The following CNTN6 variants were observed in gnomAD, a reference collection of about 807,000 sequenced individuals.
The protein encoded by CNTN6 is contactin-6.
A neutral mutation model predicts 122.8 loss-of-function variants in CNTN6; 137 were observed. That is an observed-to-expected ratio of 1.12 (90% CI 0.97 to 1.29). The LOEUF is 1.29. CNTN6 is among the 50% of genes most tolerant of loss of function. The probability of loss-of-function intolerance (pLI) is 0.00; values close to 1 mark genes in which losing one functional copy is unlikely to be tolerated. For synonymous variants in CNTN6, 570 were observed against 426.0 expected (o/e 1.34, Z -4.16); for missense variants, 1,634 against 1,223.4 (o/e 1.34, Z -5.01).
chr3:1,369,059 G>A (rs750140560), intron 12 of CNTN6, among the ~76,000 whole-genome samples: 19 of 152,046 alleles, frequency 1.2e-4, no homozygotes, highest in Non-Finnish European at 2.1e-4. Flanking sequence ...ATGGTTGCAC[G>A]GAGTCTGCCG....
At chr3:1,269,048 G>T (rs148784348) in intron 4 of CNTN6, among the ~76,000 whole-genome samples, 2 of 152,006 alleles carry the variant, frequency 1.3e-5, no homozygotes, top group Non-Finnish European at 2.9e-5. Flanking sequence ...ATGTGCCCTC[G>T]TATCATCAGT....
At chr3:1,235,743 C>A (rs1173743739) in intron 4 of CNTN6, among the ~76,000 whole-genome samples, 3 of 152,160 alleles carry the variant, frequency 2.0e-5, no homozygotes, top group African/African-American at 7.2e-5. Context: ...CCGCTGCAGG[C>A]TCCCTGAGAT....
At chr3:1,192,338 G>A (rs112816547) in intron 2 of CNTN6, among the ~76,000 whole-genome samples, 29 of 152,014 alleles carry the variant, frequency 1.9e-4, no homozygotes, top group African/African-American at 2.4e-4. Context: ...TTCCCTTACC[G>A]TGTATTTCTA....
intron 12 of CNTN6, among the ~76,000 whole-genome samples, chr3:1,356,520 G>T (rs1289634645): frequency 6.6e-6 from 1 of 151,762 alleles, no homozygotes. Context: ...TGGAGGCTTC[G>T]TGGCTCTAGA....
At chr3:1,245,221 T>TAAC (rs1304018351) in intron 4 of CNTN6, among the ~76,000 whole-genome samples, 3 of 18,764 alleles carry the variant, frequency 1.6e-4, no homozygotes, top group South Asian at 4.1e-3. Flanking sequence ...TATATATATA[T>TAAC]ATATATATAT....
At chr3:1,388,585 G>C (rs898149910) in intron 20 of CNTN6, among the ~76,000 whole-genome samples, 1 of 150,258 alleles carries the variant, frequency 6.7e-6, no homozygotes, top group African/African-American at 2.5e-5. Flanking sequence ...CGAGCTGAGA[G>C]AAGAAGGCTT....
chr3:1,274,565 A>T (rs549551531), intron 4 of CNTN6, among the ~76,000 whole-genome samples: 1 of 152,322 alleles, frequency 6.6e-6, no homozygotes, highest in Non-Finnish European at 1.5e-5. Context: ...AATCTATCTT[A>T]TTGAACTCAT....
intron 2 of CNTN6, among the ~76,000 whole-genome samples, chr3:1,212,459 G>GTA (rs1048208646): frequency 2.0e-5 from 3 of 149,898 alleles, no homozygotes; most frequent in East Asian, 2.0e-4. Flanking sequence ...ATATGTGTGT[G>GTA]TATATATATA....
chr3:1,372,220 A>G, intron 12 of CNTN6, 79 bp from the exon 13 acceptor site: 1 of 1,098,918 alleles, frequency 9.1e-7, no homozygotes, highest in East Asian at 2.6e-5. Context: ...AATGAATGAT[A>G]AAGTATTCAG....
chr3:1,171,170 T>C (rs1271342095), intron 2 of CNTN6, among the ~76,000 whole-genome samples: 3 of 152,206 alleles, frequency 2.0e-5, no homozygotes, highest in African/African-American at 7.2e-5. Flanking sequence ...TACTTCTTAA[T>C]GCTATGAGCT....
At chr3:1,298,280 A>G in intron 7 of CNTN6, 1 of 260,854 alleles carries the variant, frequency 3.8e-6, no homozygotes, top group Non-Finnish European at 7.3e-6. Flanking sequence ...CAAGGGAATA[A>G]GTGCACTCGT....
At chr3:1,297,689 G>A (rs1006681382) in intron 6 of CNTN6, among the ~76,000 whole-genome samples, 200 bp from the exon 7 acceptor site, 3 of 150,022 alleles carry the variant, frequency 2.0e-5, no homozygotes, top group African/African-American at 7.4e-5. Flanking sequence ...TCCCTGAAAG[G>A]TAGATAAATG....
At chr3:1,199,763 A>G (rs1224095725) in intron 2 of CNTN6, among the ~76,000 whole-genome samples, 1 of 152,158 alleles carries the variant, frequency 6.6e-6, no homozygotes, top group African/African-American at 2.4e-5. Context: ...GAAACTCTCC[A>G]TTATATTTTC....
At chr3:1,299,221 C>T (rs1461020959) in intron 7 of CNTN6, among the ~76,000 whole-genome samples, 3 of 152,068 alleles carry the variant, frequency 2.0e-5, no homozygotes, top group Admixed American at 2.0e-4. Flanking sequence ...GGCTTTACAT[C>T]AGTTTTTAAT....
chr3:1,131,414 G>A (rs971068764), intron 1 of CNTN6, among the ~76,000 whole-genome samples: 3 of 10,840 alleles, frequency 2.8e-4, no homozygotes, highest in African/African-American at 1.2e-3. Context: ...CTGCTTAGGG[G>A]GTTGCTCTCC....
rs202136944 is a variant in CNTN6 at position 1,152,126 on chromosome 3, ATTTG to A, written c.55+4087_55+4090del. 8.2e-3 allele frequency among the ~76,000 whole-genome samples: 1,154 copies of A among 141,584 alleles called. 7 individuals carry two copies. The highest frequency in any genetic ancestry group is 0.033 in the Middle Eastern group (9 of 276). 92.9% of individuals were successfully genotyped at this position (141,584 alleles called of 152,430 possible). On this transcript the variant is annotated intron_variant, in intron 2 of 22. Transcript: ENST00000446702. ...GAGGAAATATTTTATTTATTTATAT[ATTTG>A]TTTGTTTGTTTGTTTGTTTGTTTTT... is the stretch of plus-strand genomic sequence containing the variant.
At chr3:1,149,920 A>G (rs1175873154) in intron 2 of CNTN6, among the ~76,000 whole-genome samples, 1 of 152,194 alleles carries the variant, frequency 6.6e-6, no homozygotes, top group African/African-American at 2.4e-5. Context: ...CAAATCTGAG[A>G]AATACTCCAG....
At chr3:1,383,449 A>T (rs546831654) in intron 19 of CNTN6, 41 bp downstream of exon 19, 2 of 1,480,380 alleles carry the variant, frequency 1.4e-6, no homozygotes, top group African/African-American at 1.4e-5. Context: ...GAATGTGCCA[A>T]TGGACTTCGC....
rs145103984 is a variant in CNTN6 at position 1,270,923 on chromosome 3, G to T, written c.359-7490G>T. Among the ~76,000 whole-genome samples the T allele has an allele frequency of 3.4e-3, 513 of 152,198 alleles. 4 individuals are homozygous for T. The highest frequency in any genetic ancestry group is 0.011 in the African/African-American group (459 of 41,516). On this transcript the variant is annotated intron_variant, in intron 4 of 22. Transcript: ENST00000446702. ...TTGTTTGTTTGTTCTTGCTTTTTGA[G>T]ACAAAGTCTGACTCTGTCACCCAGG...
Sources: gnomAD v4.1 joint callset for allele counts (sites outside exome capture counted in the v4.1 genomes callset) on GRCh38, gnomAD v4.1.1 for gene constraint, MANE v1.5 for transcripts, NCBI Gene and HGNC (gene_info 2026-07-23, HGNC 2026-07-21) for gene names.